Variants in TACC1 observed in about 807,000 individuals in gnomAD.
TACC1 encodes the protein transforming acidic coiled-coil-containing protein 1.
A neutral mutation model predicts 84.4 loss-of-function variants in TACC1; 48 were observed. The observed-to-expected ratio is 0.57, with a 90% CI of 0.45 to 0.72. The LOEUF (loss-of-function observed/expected upper bound fraction) is 0.72, where lower values mean the gene tolerates loss of function less well. Among genes scored for constraint, TACC1 ranks in the 30% least tolerant of loss-of-function variants. TACC1 has a pLI of 0.00. For missense variants in TACC1, 920 were observed against 973.0 expected (o/e 0.95, Z 0.72); for synonymous variants, 372 against 376.3 (o/e 0.99, Z 0.13).
rs1387860452 is a variant in TACC1, at chr8:38,825,367, G to A, written c.1451G>A (p.Arg484Gln). 21 of 1,613,980 alleles carry A rather than the reference G, an allele frequency of 1.3e-5. No individual in the cohort carries two copies. The highest frequency in any genetic ancestry group is 4.5e-5 in the East Asian group (2 of 44,896). ...TQSLALDACS[R>Q]DEGAVISQIS... Reference sequence around the variant, plus strand: ...TCTCTCGCCCTGGATGCATGTTCTCGGGTGAGTCTGTGCCCATCTCCAGAA... The same window carrying A: ...TCTCTCGCCCTGGATGCATGTTCTCAGGTGAGTCTGTGCCCATCTCCAGAA... The change falls in exon 4 of 13, where the codon CGG (arginine) becomes CAG (glutamine). Residue 484 changes from arginine to glutamine, a missense_variant and splice_region_variant. By Grantham distance (43) the Arg-to-Gln change is conservative. Around this residue, in one of 2 missense-constraint regions of TACC1, gnomAD observed 762 missense variants for 747.3 expected, o/e 1.02. Coordinates refer to ENST00000317827, the MANE Select transcript of TACC1 (RefSeq NM_006283.3).
At chr8:38,805,501 G>T (rs2152097163) in intron 2 of TACC1, 1 of 152,390 alleles carries the variant, frequency 6.6e-6, no homozygotes, top group East Asian at 1.9e-4. Flanking sequence ...GCGGTGGTAG[G>T]GCTTTCCCCT....
intron 6 of TACC1, among the ~76,000 whole-genome samples, chr8:38,834,686 C>G (rs1829884812): frequency 6.6e-6 from 1 of 152,054 alleles, no homozygotes; most frequent in East Asian, 1.9e-4. Flanking sequence ...TATTTTGGGC[C>G]CATGGCTGAG....
chr8:38,787,807 C>CTG (rs889097779), intron 1 of TACC1, 64 bp downstream of exon 1: 3 of 1,404,012 alleles, frequency 2.1e-6, no homozygotes, highest in Non-Finnish European at 2.8e-6. Flanking sequence ...GCGACTCCCT[C>CTG]TGTGTGCGTG....
chr8:38,788,964 A>G, intron 2 of TACC1, 145 bp downstream of exon 2: 1 of 643,498 alleles, frequency 1.6e-6, no homozygotes, highest in South Asian at 2.0e-5. Context: ...TGGCTTATGT[A>G]TTTTTAGGGG....
chr8:38,758,844 G>A (rs771293203), intron 3 of TACC1, among the ~76,000 whole-genome samples: 4 of 151,916 alleles, frequency 2.6e-5, no homozygotes, highest in Non-Finnish European at 5.9e-5. Flanking sequence ...AGCACAGAAC[G>A]ATCAAGTAAC....
At chr8:38,741,965 G>A (rs374615273) in intron 1 of TACC1, among the ~76,000 whole-genome samples, 2 of 152,138 alleles carry the variant, frequency 1.3e-5, no homozygotes, top group African/African-American at 4.8e-5. Flanking sequence ...GAAATGACAA[G>A]TAAATGGAAC....
At chr8:38,734,444 CGTT>C (rs1227309366) in intron 1 of TACC1, among the ~76,000 whole-genome samples, 2 of 152,176 alleles carry the variant, frequency 1.3e-5, no homozygotes, top group Non-Finnish European at 1.5e-5. Context: ...GATCCGCCCT[CGTT>C]GGCCTCCCAA....
intron 3 of TACC1, among the ~76,000 whole-genome samples, chr8:38,772,571 C>T (rs1813858148): frequency 6.6e-6 from 1 of 152,178 alleles, no homozygotes; most frequent in Non-Finnish European, 1.5e-5. Flanking sequence ...TGCAGAGAGG[C>T]AGATCCCAAT....
chr8:38,766,818 AC>A (rs61373976), intron 3 of TACC1, among the ~76,000 whole-genome samples: 1,581 of 152,314 alleles, frequency 0.01, 25 homozygotes, highest in African/African-American at 0.036. Flanking sequence ...GTCCTGATGA[AC>A]CTGGCTGAAG....
chr8:38,757,175 C>G (rs1587319693), intron 3 of TACC1: 2 of 884,130 alleles, frequency 2.3e-6, no homozygotes, highest in East Asian at 1.2e-4. Context: ...CCTCCTTCCC[C>G]GCTTTCCCAG....
At position 38,756,220 on chromosome 8, in the gene TACC1, T is replaced by G. The variant is rs1810018543; in HGVS notation, c.26+10727T>G. Among the ~76,000 whole-genome samples the G allele has an allele frequency of 1.3e-5, 2 of 152,026 alleles. 1 individual carries two copies. The highest frequency in any genetic ancestry group is 4.2e-4 in the South Asian group (2 of 4,788). On this transcript the variant is annotated intron_variant, in intron 3 of 14. Coordinates refer to the TACC1 transcript ENST00000518415. ...AGCGATAACATGGGTGTAGGATGCC[T>G]GCATCCATCACCAATTGTGAGCGCC...
chr8:38,797,043 CT>C (rs1401590714), intron 2 of TACC1, among the ~76,000 whole-genome samples: 2 of 152,256 alleles, frequency 1.3e-5, no homozygotes, highest in Admixed American at 1.3e-4. Context: ...AGGCGGCTTA[CT>C]CATTTGCCTG....
chr8:38,729,402 T>C (rs1233473245), intron 1 of TACC1, among the ~76,000 whole-genome samples: 1 of 152,154 alleles, frequency 6.6e-6, no homozygotes, highest in Non-Finnish European at 1.5e-5. Context: ...AGTCCTTGGC[T>C]TCGTGAGGGA....
chr8:38,817,957 C>T (rs748830767), intron 2 of TACC1, among the ~76,000 whole-genome samples: 14 of 139,778 alleles, frequency 1.0e-4, no homozygotes, highest in Non-Finnish European at 1.4e-4. Flanking sequence ...ACAGGCTGGA[C>T]GCAGTGGCTT....
intron 1 of TACC1, among the ~76,000 whole-genome samples, chr8:38,736,813 A>G (rs1806054665): frequency 6.6e-6 from 1 of 152,098 alleles, no homozygotes; most frequent in Non-Finnish European, 1.5e-5. Context: ...GGGCAGACAC[A>G]TTTTTGAGGA....
intron 2 of TACC1, among the ~76,000 whole-genome samples, chr8:38,817,190 ATTG>A (rs1390940831): frequency 6.9e-6 from 1 of 145,254 alleles, no homozygotes; most frequent in African/African-American, 2.8e-5. Flanking sequence ...ATCAAGACTC[ATTG>A]TTGTACAACT....
At chr8:38,809,306 A>T (rs1322720432) in intron 2 of TACC1, among the ~76,000 whole-genome samples, 1 of 152,138 alleles carries the variant, frequency 6.6e-6, no homozygotes, top group Non-Finnish European at 1.5e-5. Context: ...TCCTAGGTGT[A>T]GAGTGAGGAG....
intron 2 of TACC1, among the ~76,000 whole-genome samples, chr8:38,803,561 TATTA>T (rs1821930162): frequency 6.6e-6 from 1 of 152,220 alleles, no homozygotes; most frequent in South Asian, 2.1e-4. Flanking sequence ...TTGTGTATTA[TATTA>T]ATTGATTTTC....
intron 1 of TACC1, among the ~76,000 whole-genome samples, chr8:38,739,169 C>G (rs2151659854): frequency 6.6e-6 from 1 of 152,280 alleles, no homozygotes; most frequent in South Asian, 2.1e-4. Context: ...GGCCACTGCA[C>G]CCAGCCCATG....
Sources: gnomAD v4.1 joint callset for allele counts (sites outside exome capture counted in the v4.1 genomes callset) on GRCh38, gnomAD v4.1.1 for gene constraint, gnomAD v4.1.1 regional missense constraint, MANE v1.5 for transcripts, NCBI Gene and HGNC (gene_info 2026-07-23, HGNC 2026-07-21) for gene names.